FAT1: variants seen among roughly 807,000 people sequenced by gnomAD.
The protein encoded by FAT1 is FAT atypical cadherin 1.
FAT1 carries 171 observed loss-of-function variants against 329.8 expected under a neutral mutation model. The ratio of observed to expected loss-of-function variants is 0.52; its 90% confidence interval spans 0.46 to 0.59. The LOEUF (loss-of-function observed/expected upper bound fraction) is 0.59, where lower values mean the gene tolerates loss of function less well. Among genes scored for constraint, FAT1 ranks in the 20% least tolerant of loss-of-function variants. FAT1 has a pLI of 0.00. For synonymous variants in FAT1, 2,233 were observed against 2,228.6 expected (o/e 1.00, Z -0.06); for missense variants, 5,672 against 5,774.4 (o/e 0.98, Z 0.57).
chr4:186,637,586 T>C (rs1476880034), intron 4 of FAT1, among the ~76,000 whole-genome samples: 1 of 152,238 alleles, frequency 6.6e-6, no homozygotes, highest in Non-Finnish European at 1.5e-5. Context: ...TATATTCTTA[T>C]ATTCTATTTA....
intron 2 of FAT1, among the ~76,000 whole-genome samples, chr4:186,693,200 A>T (rs1398642605): frequency 6.6e-6 from 1 of 152,222 alleles, no homozygotes; most frequent in Non-Finnish European, 1.5e-5. Flanking sequence ...CCATATTGAT[A>T]TTTTCACAAT....
chr4:186,634,493 T>C (rs1740738161), intron 6 of FAT1, among the ~76,000 whole-genome samples: 1 of 151,938 alleles, frequency 6.6e-6, no homozygotes, highest in African/African-American at 2.4e-5. Context: ...CTACTAAATC[T>C]AACCAAGAAA....
chr4:186,682,580 A>G (rs1205291481), intron 2 of FAT1, among the ~76,000 whole-genome samples: 1 of 151,880 alleles, frequency 6.6e-6, no homozygotes, highest in African/African-American at 2.4e-5. Flanking sequence ...ATGCGTATGC[A>G]TGAAGACAGA....
chr4:186,601,521 G>GT, intron 20 of FAT1, 95 bp from the exon 21 acceptor site: 1 of 971,266 alleles, frequency 1.0e-6, no homozygotes, highest in Non-Finnish European at 1.5e-6. Flanking sequence ...CTGATTTAGG[G>GT]TTTTATTTAA....
At chr4:186,698,214 G>A (rs1000133115) in intron 2 of FAT1, among the ~76,000 whole-genome samples, 2 of 152,146 alleles carry the variant, frequency 1.3e-5, no homozygotes, top group African/African-American at 2.4e-5. Flanking sequence ...TCATGGAGAC[G>A]GACTGAAGTC....
intron 2 of FAT1, among the ~76,000 whole-genome samples, chr4:186,680,065 G>A (rs551984240): frequency 6.6e-6 from 1 of 152,174 alleles, no homozygotes; most frequent in South Asian, 2.1e-4. Flanking sequence ...ATTGGAACAG[G>A]GAAATATCCC....
rs1046322764 is a variant in FAT1 at position 186,597,019 on chromosome 4, G to A, written c.12521C>T (p.Pro4174Leu). 33 of 1,613,824 alleles carry A rather than the reference G, an allele frequency of 2.0e-5. No individual in the cohort carries two copies. Among genetic ancestry groups the A allele is most frequent in the Admixed American group, 6.7e-5 (4 of 60,000 alleles). ...DAAPNQYVST[P>L]WNIGLAEGIG... ...TCCTTCCGCCAACCCAATGTTCCAC[G>A]GCGTGGACACATACTGGTTGGGCGC... Residue 4174 changes from proline to leucine, a missense_variant, in exon 25 of 27, where the codon CCG (proline) becomes CTG (leucine). Transcript: ENST00000441802.
rs200725393 is a variant in FAT1 at position 186,603,735 on chromosome 4, G to A, written c.10791C>T (p.Gly3597=). The change falls in exon 19 of 27, where the codon GGC becomes GGT. Residue 3597 remains glycine (G), a synonymous_variant. Transcript: ENST00000441802. ...CTAGCTTTTTGTGTGCTATCAGCTT[G>A]CCCCCTGTGCTGGAAACAGAGAACA... ...DNLFSVSSTG[G]KLIAHKKLDI... is the part of the protein sequence containing the mutation. The A allele has an allele frequency of 4.6e-5, 74 of 1,613,916 alleles. No homozygotes were observed. Among genetic ancestry groups the A allele is most frequent in the African/African-American group, 4.0e-5 (3 of 75,018 alleles).
intron 2 of FAT1, among the ~76,000 whole-genome samples, chr4:186,695,753 T>C (rs886243801): frequency 1.7e-5 from 2 of 115,250 alleles, no homozygotes; most frequent in Non-Finnish European, 3.5e-5. Context: ...ATATGTATTA[T>C]ATATAAAACA....
chr4:186,627,666 AGG>A (rs954041670), intron 9 of FAT1, among the ~76,000 whole-genome samples: 35 of 152,124 alleles, frequency 2.3e-4, no homozygotes, highest in Non-Finnish European at 4.4e-4. Flanking sequence ...AAGGGGTGGG[AGG>A]GGCACGACAC....
At chr4:186,691,471 A>G (rs1433846890) in intron 2 of FAT1, among the ~76,000 whole-genome samples, 1 of 152,156 alleles carries the variant, frequency 6.6e-6, no homozygotes, top group Non-Finnish European at 1.5e-5. Flanking sequence ...TCTTCATTTC[A>G]TTTCATGAGA....
chr4:186,709,884 T>A, intron 1 of FAT1, 39 bp from the exon 2 acceptor site: 2 of 1,504,892 alleles, frequency 1.3e-6, no homozygotes, highest in Non-Finnish European at 1.8e-6. Flanking sequence ...CTTGGGGAAA[T>A]AAAACAAGCA....
chr4:186,668,987 C>T (rs1366042976), intron 2 of FAT1, among the ~76,000 whole-genome samples: 1 of 151,976 alleles, frequency 6.6e-6, no homozygotes, highest in East Asian at 1.9e-4. Flanking sequence ...ATAAACTCAC[C>T]CTGGAGACAA....
At position 186,628,700 on chromosome 4, in the gene FAT1, C is replaced by T. The variant is rs2126545168; in HGVS notation, c.4387G>A (p.Val1463Ile). Residue 1463 changes from valine (V) to isoleucine (I), a missense_variant, in exon 8 of 27, where the codon GTT becomes ATT. Physicochemically the swap from Val to Ile is conservative, Grantham distance 29 (BLOSUM62 3). This residue lies in a region of FAT1 where 3,966 missense variants were observed against 3,915.2 expected (regional missense o/e 1.01). Transcript: ENST00000441802. ...RPQFSTSKYE[V>I]VIPEDTAPET... is the part of the protein sequence containing the mutation. ...GGCGCTGTATCTTCAGGAATAACAA[C>T]TTCATACTTTGATGTAGAAAACTGA... 6.2e-7 allele frequency: 1 copy of T among 1,613,956 alleles called. No individual in the cohort carries two copies. The highest frequency in any genetic ancestry group is 8.5e-7 in the Non-Finnish European group (1 of 1,179,890).
chr4:186,617,537 T>C (rs972446623), intron 10 of FAT1, among the ~76,000 whole-genome samples, 171 bp downstream of exon 10: 15 of 152,336 alleles, frequency 9.8e-5, no homozygotes, highest in African/African-American at 3.6e-4. Context: ...TTTGCTCAGG[T>C]AACAAGCTTG....
rs1739601196 is a variant in FAT1 at position 186,614,266 on chromosome 4, T to C, written c.9154A>G (p.Ile3052Val). 1.2e-6 allele frequency: 2 copies of C among 1,604,132 alleles called. No homozygotes were observed. Among genetic ancestry groups the C allele is most frequent in the Non-Finnish European group, 1.7e-6 (2 of 1,176,864 alleles). Residue 3052 changes from isoleucine to valine, a missense_variant, in exon 12 of 27, where the codon ATC becomes GTC. Ile to Val is a conservative substitution (Grantham distance 29). Around this residue, in one of 2 missense-constraint regions of FAT1, gnomAD observed 3,966 missense variants for 3,915.2 expected, o/e 1.01. Transcript: ENST00000441802. ...IMQISATDAD[I>V]RSNAEITYTL... is the part of the protein sequence containing the mutation. ...TAAGTAATTTCAGCGTTAGAGCGGA[T>C]GTCTGCGTCTGTAGCAGAGATCTGC...
At position 186,619,649 on chromosome 4, in the gene FAT1, C is replaced by T. The variant is rs2126507722; in HGVS notation, c.6937G>A (p.Glu2313Lys). The T allele has an allele frequency of 1.2e-6, 2 of 1,613,956 alleles. No individual in the cohort carries two copies. Among genetic ancestry groups the T allele is most frequent in the Non-Finnish European group, 1.7e-6 (2 of 1,179,898 alleles). Residue 2313 changes from glutamate to lysine, a missense_variant, in exon 10 of 27, where the codon GAA becomes AAA. This residue lies in a region of FAT1 where 3,966 missense variants were observed against 3,915.2 expected (regional missense o/e 1.01). Coordinates refer to ENST00000441802, the MANE Select transcript of FAT1 (RefSeq NM_005245.4). ...VQVRATDSDS[E>K]PNRGISYQMF... is the part of the protein sequence containing the mutation. ...TGGTATGAGATTCCTCTATTTGGTT[C>T]TGAATCAGAATCGGTGGCTCTAACT...
At chr4:186,640,006 T>G (rs1192153895) in intron 3 of FAT1, among the ~76,000 whole-genome samples, 1 of 152,112 alleles carries the variant, frequency 6.6e-6, no homozygotes, top group Non-Finnish European at 1.5e-5. Flanking sequence ...TGGTGGCGCG[T>G]GACTGTAATC....
chr4:186,588,129 TAAAA>T lies in FAT1; in HGVS notation c.*459_*462del. The T allele has an allele frequency of 4.9e-6, 1 of 203,624 alleles. No homozygotes were observed. Among genetic ancestry groups the T allele is most frequent in the Non-Finnish European group, 9.9e-6 (1 of 101,400 alleles). The allele number at this position is 203,624 out of a possible 1,614,324, so 12.6% of individuals were successfully genotyped here. On this transcript the variant is annotated 3_prime_UTR_variant, in exon 27 of 27. Transcript: ENST00000441802. ...AGACAGAATGAAACCCTGGTTATAG[TAAAA>T]AAAAAAAAATCAGGGTGCTAGATAA... is the stretch of plus-strand genomic sequence containing the variant.
Sources: allele counts gnomAD v4.1 joint callset (sites outside exome capture counted in the v4.1 genomes callset), GRCh38; gene constraint gnomAD v4.1.1; regional missense constraint gnomAD v4.1.1; transcripts MANE v1.5; gene names NCBI Gene and HGNC (gene_info 2026-07-23, HGNC 2026-07-21).